ANXA10: variants seen among roughly 807,000 people sequenced by gnomAD.
ANXA10 encodes annexin A10.
ANXA10 carries 49 observed loss-of-function variants against 53.5 expected under a neutral mutation model. That is an observed-to-expected ratio of 0.92 (90% CI 0.73 to 1.16). The LOEUF (loss-of-function observed/expected upper bound fraction) is 1.16. ANXA10 is among the 50% of genes most tolerant of loss of function. The pLI is 0.00. For missense variants in ANXA10, 393 were observed against 394.4 expected, an observed-to-expected ratio of 1.00 and a Z score of 0.03; for synonymous variants, 131 against 128.9, an observed-to-expected ratio of 1.02 and a Z score of -0.11.
At chr4:168,099,356 C>T (rs1730601896) in intron 1 of ANXA10, among the ~76,000 whole-genome samples, 1 of 152,054 alleles carries the variant, frequency 6.6e-6, no homozygotes, top group Admixed American at 6.6e-5. Context: ...AAGAGAGAGG[C>T]GTCAGTACCT....
intron 1 of ANXA10, among the ~76,000 whole-genome samples, chr4:168,113,029 AAAAG>A (rs1204965326): frequency 1.3e-5 from 2 of 152,120 alleles, no homozygotes; most frequent in African/African-American, 4.8e-5. Flanking sequence ...TCGGAAAAAA[AAAAG>A]AAAGAAAAAA....
chr4:168,169,935 G>T (rs1560789311), intron 6 of ANXA10, among the ~76,000 whole-genome samples: 1 of 151,974 alleles, frequency 6.6e-6, no homozygotes, highest in Non-Finnish European at 1.5e-5. Flanking sequence ...GTATTTCAAG[G>T]GAAAACACAA....
Position 168,145,740 on chromosome 4 carries a change from G to T in ANXA10, c.195+6160G>T, listed in dbSNP as rs548975939. ...TCATTTTCCAAGAAATTGAAAGGAG[G>T]TTAATATTTTCCAGGAACCGCTGAA... On this transcript the variant is annotated intron_variant, in intron 3 of 11. Transcript: ENST00000359299. 9.2e-5 allele frequency among the ~76,000 whole-genome samples: 14 copies of T among 152,248 alleles called. No homozygotes were observed. The South Asian group carries it at 2.1e-3, about 23-fold the overall frequency.
intron 1 of ANXA10, among the ~76,000 whole-genome samples, chr4:168,116,644 TTTTA>T (rs1730898236): frequency 6.6e-6 from 1 of 152,134 alleles, no homozygotes; most frequent in Non-Finnish European, 1.5e-5. Flanking sequence ...ATTTTTCATA[TTTTA>T]TTTATTATTG....
At chr4:168,127,539 C>T (rs1731087867) in intron 1 of ANXA10, among the ~76,000 whole-genome samples, 1 of 151,990 alleles carries the variant, frequency 6.6e-6, no homozygotes, top group African/African-American at 2.4e-5. Context: ...AATCTCCATT[C>T]CTTAAAAAAA....
chr4:168,162,256 G>C (rs1352052755), intron 3 of ANXA10, among the ~76,000 whole-genome samples: 1 of 152,096 alleles, frequency 6.6e-6, no homozygotes, highest in Non-Finnish European at 1.5e-5. Flanking sequence ...GATCAAAAGA[G>C]GAGTTGGAGT....
At chr4:168,103,752 A>T (rs1730676819) in intron 1 of ANXA10, among the ~76,000 whole-genome samples, 1 of 151,894 alleles carries the variant, frequency 6.6e-6, no homozygotes, top group African/African-American at 2.4e-5. Context: ...ATTTAAGGAG[A>T]CTTGGCATCT....
intron 3 of ANXA10, among the ~76,000 whole-genome samples, chr4:168,149,183 T>G (rs1285660373): frequency 6.6e-6 from 1 of 152,200 alleles, no homozygotes; most frequent in Non-Finnish European, 1.5e-5. Context: ...TCACGTATTC[T>G]GGAAGACTGG....
At chr4:168,177,713 C>T in intron 6 of ANXA10, 27 bp from the exon 7 acceptor site, 2 of 1,612,478 alleles carry the variant, frequency 1.2e-6, no homozygotes, top group South Asian at 1.1e-5. Flanking sequence ...AGAACATTTA[C>T]ATGGAAAACC....
chr4:168,098,964 G>C (rs1730597104), intron 1 of ANXA10, among the ~76,000 whole-genome samples: 1 of 152,132 alleles, frequency 6.6e-6, no homozygotes, highest in Admixed American at 6.6e-5. Context: ...TAATAATAAA[G>C]CAACAGAATG....
At chr4:168,106,705 T>C (rs1359611059) in intron 1 of ANXA10, among the ~76,000 whole-genome samples, 1 of 152,156 alleles carries the variant, frequency 6.6e-6, no homozygotes, top group African/African-American at 2.4e-5. Flanking sequence ...GAGATATCTA[T>C]GTCTGTTATC....
At chr4:168,161,030 G>A (rs558582112) in intron 3 of ANXA10, among the ~76,000 whole-genome samples, 1 of 152,224 alleles carries the variant, frequency 6.6e-6, no homozygotes, top group South Asian at 2.1e-4. Flanking sequence ...TCTGATGATA[G>A]TTTCTTTTGC....
At chr4:168,104,062 A>T (rs1234168026) in intron 1 of ANXA10, among the ~76,000 whole-genome samples, 2 of 151,906 alleles carry the variant, frequency 1.3e-5, no homozygotes, top group Non-Finnish European at 2.9e-5. Flanking sequence ...TACCAAATTA[A>T]TGAAGTTGCT....
At chr4:168,162,753 G>A (rs1578927729) in intron 4 of ANXA10, 112 bp downstream of exon 4, 1 of 792,280 alleles carries the variant, frequency 1.3e-6, no homozygotes. Context: ...GAGAGGGGAG[G>A]GAATATCTAA....
At chr4:168,155,747 T>TATATTATATAATATATGATATATC (rs1731618131) in intron 3 of ANXA10, among the ~76,000 whole-genome samples, 1 of 35,138 alleles carries the variant, frequency 2.8e-5, no homozygotes, top group African/African-American at 1.3e-4. Context: ...TATCATATAT[T>TATATTATATAATATATGATATATC]ATATATTATA....
chr4:168,178,498 G>A (rs530905198), intron 8 of ANXA10, among the ~76,000 whole-genome samples: 9 of 151,784 alleles, frequency 5.9e-5, no homozygotes, highest in South Asian at 2.1e-4. Context: ...TATAAAGTAC[G>A]CAAATGGCTG....
chr4:168,135,176 T>C (rs1255745858), intron 2 of ANXA10, among the ~76,000 whole-genome samples: 3 of 152,064 alleles, frequency 2.0e-5, no homozygotes, highest in South Asian at 2.1e-4. Flanking sequence ...GGTGAGATAG[T>C]AGGAAAGAAC....
At position 168,156,283 on chromosome 4, in the gene ANXA10, ATATATTATAT is replaced by A. The variant is rs368190065; in HGVS notation, c.196-6234_196-6225del. ...TAATGTATATATTATATATAATAGT[ATATATTATAT>A]TATATTATATATAATAGTATATATA... On this transcript the variant is annotated intron_variant, in intron 3 of 11. Coordinates refer to ENST00000359299, the MANE Select transcript of ANXA10 (RefSeq NM_007193.5). 1.2e-4 allele frequency among the ~76,000 whole-genome samples: 7 copies of A among 60,130 alleles called. 1 individual carries two copies. Among genetic ancestry groups the A allele is most frequent in the South Asian group, 4.3e-4 (1 of 2,340 alleles). The allele number at this position is 60,130 out of a possible 152,430, so 39.4% of individuals were successfully genotyped here.
At chr4:168,127,964 T>A in intron 1 of ANXA10, 120 bp from the exon 2 acceptor site, 1 of 812,826 alleles carries the variant, frequency 1.2e-6, no homozygotes, top group Non-Finnish European at 2.0e-6. Flanking sequence ...CTTCAGGTGA[T>A]CCACCCACCT....
Sources: gnomAD v4.1 joint callset for allele counts (sites outside exome capture counted in the v4.1 genomes callset) on GRCh38, gnomAD v4.1.1 for gene constraint, MANE v1.5 for transcripts, NCBI Gene and HGNC (gene_info 2026-07-23, HGNC 2026-07-21) for gene names.